SYNPR: variants seen among roughly 807,000 people sequenced by gnomAD.
SYNPR encodes the protein synaptoporin.
Under a neutral mutation model 32.9 loss-of-function variants are expected in SYNPR, and 23 were observed. That is an observed-to-expected ratio of 0.70 (90% CI 0.50 to 0.99). SYNPR has a LOEUF of 0.99. SYNPR is among the 50% of genes least tolerant of loss of function. The probability of loss-of-function intolerance (pLI) is 0.00; values close to 1 mark genes in which losing one functional copy is unlikely to be tolerated. For missense variants in SYNPR, 318 were observed against 349.3 expected, an observed-to-expected ratio of 0.91 and a Z score of 0.71; for synonymous variants, 146 against 135.9, an observed-to-expected ratio of 1.07 and a Z score of -0.52.
intron 4 of SYNPR, among the ~76,000 whole-genome samples, chr3:63,585,760 T>C (rs1703172508): frequency 6.6e-6 from 1 of 152,132 alleles, no homozygotes. Flanking sequence ...CAGAAGATTA[T>C]TACTTTTTAA....
At chr3:63,570,971 AG>A in intron 4 of SYNPR, among the ~76,000 whole-genome samples, 1 of 152,350 alleles carries the variant, frequency 6.6e-6, no homozygotes, top group Non-Finnish European at 1.5e-5. Context: ...AACATATAAA[AG>A]AACCCCCCAA....
intron 2 of SYNPR, among the ~76,000 whole-genome samples, chr3:63,378,297 G>C (rs1033514169): frequency 6.6e-6 from 1 of 151,946 alleles, no homozygotes; most frequent in Admixed American, 6.6e-5. Flanking sequence ...CAGAAAAATA[G>C]AGACAGTAGA....
intron 2 of SYNPR, among the ~76,000 whole-genome samples, chr3:63,297,620 G>T (rs1260825862): frequency 6.6e-6 from 1 of 152,142 alleles, no homozygotes; most frequent in Non-Finnish European, 1.5e-5. Context: ...AGCGCATTGA[G>T]ACATTTATTT....
At chr3:63,526,025 T>C (rs570586871) in intron 3 of SYNPR, among the ~76,000 whole-genome samples, 47 of 152,256 alleles carry the variant, frequency 3.1e-4, no homozygotes, top group African/African-American at 1.0e-3. Flanking sequence ...AGAGAGCACA[T>C]GGCAAGAGAA....
At chr3:63,339,015 C>A (rs2087330483) in intron 2 of SYNPR, among the ~76,000 whole-genome samples, 3 of 152,236 alleles carry the variant, frequency 2.0e-5, no homozygotes, top group Admixed American at 1.3e-4. Context: ...CCTCAGGAAT[C>A]TTTGCCTGCT....
chr3:63,436,559 T>A (rs1033230293), intron 2 of SYNPR, among the ~76,000 whole-genome samples: 1 of 152,198 alleles, frequency 6.6e-6, no homozygotes, highest in South Asian at 2.1e-4. Flanking sequence ...CTAAAGGGAC[T>A]CAGCCCCTCC....
At chr3:63,290,685 G>T (rs1259895311) in intron 2 of SYNPR, among the ~76,000 whole-genome samples, 1 of 152,114 alleles carries the variant, frequency 6.6e-6, no homozygotes, top group East Asian at 1.9e-4. Context: ...GAAGGATATG[G>T]ATATTTAGTA....
the SYNPR span, chr3:63,203,068 G>GTGTGTGTGTATATATATATATATATATA: frequency 4.6e-5 from 5 of 108,584 alleles, no homozygotes; most frequent in African/African-American, 1.8e-4. Flanking sequence ...ATATGTATGT[G>GTGTGTGTGTATATATATATATATATATA]TATATATATA....
In SYNPR at chr3:63,480,925, A is replaced by T; in HGVS notation, c.178A>T (p.Ser60Cys). ...DCVNKTESNL[S>C]IDIAFAYPFR... ...CGTCAACAAGACAGAAAGTAACCTCAGCATCGACATAGCGTTTGCCTACCC... is the reference window on the plus strand; with the variant it reads ...CGTCAACAAGACAGAAAGTAACCTCTGCATCGACATAGCGTTTGCCTACCC... The change falls in exon 3 of 6, where the codon AGC becomes TGC. Residue 60 changes from serine (S) to cysteine (C), a missense_variant. Coordinates refer to ENST00000478300, the MANE Select transcript of SYNPR (RefSeq NM_001130003.2). 6.2e-7 allele frequency: 1 copy of T among 1,613,336 alleles called. No homozygotes were observed. The highest frequency in any genetic ancestry group is 8.5e-7 in the Non-Finnish European group (1 of 1,179,430).
intron 2 of SYNPR, among the ~76,000 whole-genome samples, chr3:63,340,203 C>T (rs144348839): frequency 4.9e-4 from 74 of 152,034 alleles, no homozygotes; most frequent in African/African-American, 1.8e-3. Context: ...GTTTGTTAAC[C>T]ATTCACTCAT....
intron 3 of SYNPR, among the ~76,000 whole-genome samples, chr3:63,492,765 C>G (rs1017863916): frequency 5.3e-5 from 8 of 152,076 alleles, no homozygotes; most frequent in African/African-American, 1.9e-4. Context: ...ACCTCATTAC[C>G]AGGGAGAAGC....
chr3:63,430,361 T>TAC (rs3083163), intron 2 of SYNPR, among the ~76,000 whole-genome samples: 27,114 of 148,152 alleles, frequency 0.18, 2,495 homozygotes, highest in Non-Finnish European at 0.21. Context: ...ACACTGAGAA[T>TAC]ACACACACAC....
intron 2 of SYNPR, among the ~76,000 whole-genome samples, chr3:63,395,538 A>T (rs2088200291): frequency 6.6e-6 from 1 of 152,166 alleles, no homozygotes; most frequent in Non-Finnish European, 1.5e-5. Flanking sequence ...TACTATAATT[A>T]TATATATTTT....
chr3:63,494,405 A>ATATATATACGTATATATATATATACG (rs1559516207), intron 3 of SYNPR, among the ~76,000 whole-genome samples: 7 of 53,232 alleles, frequency 1.3e-4, no homozygotes, highest in African/African-American at 5.0e-4. Context: ...ATATATATAT[A>ATATATATACGTATATATATATATACG]TATATATATA....
At chr3:63,595,720 TATATATATATATA>T (rs1699923582) in intron 4 of SYNPR, among the ~76,000 whole-genome samples, 2 of 9,718 alleles carry the variant, frequency 2.1e-4, no homozygotes, top group Admixed American at 2.2e-3. Flanking sequence ...TCTTATTTTA[TATATATATATATA>T]TATATATATA....
At chr3:63,532,451 T>G (rs1327775235) in intron 3 of SYNPR, among the ~76,000 whole-genome samples, 1 of 152,194 alleles carries the variant, frequency 6.6e-6, no homozygotes, top group Non-Finnish European at 1.5e-5. Context: ...ATCCTTTCTC[T>G]GCTAAAATAA....
chr3:63,287,468 A>G (rs1008601943), intron 2 of SYNPR, among the ~76,000 whole-genome samples: 1 of 151,758 alleles, frequency 6.6e-6, no homozygotes, highest in African/African-American at 2.4e-5. Flanking sequence ...ATGACTTTTC[A>G]TTCTAGCTAC....
intron 2 of SYNPR, among the ~76,000 whole-genome samples, chr3:63,394,087 TC>T (rs1157044972): frequency 1.3e-5 from 2 of 152,094 alleles, no homozygotes; most frequent in Non-Finnish European, 2.9e-5. Context: ...AGCCAATACT[TC>T]CCCCCTACCA....
At chr3:63,407,956 C>T (rs1266513917) in intron 2 of SYNPR, among the ~76,000 whole-genome samples, 1 of 151,806 alleles carries the variant, frequency 6.6e-6, no homozygotes, top group Non-Finnish European at 1.5e-5. Context: ...ACTGGACATA[C>T]TAAGGCCATC....
Sources: allele counts gnomAD v4.1 joint callset (sites outside exome capture counted in the v4.1 genomes callset), GRCh38; gene constraint gnomAD v4.1.1; transcripts MANE v1.5; gene names NCBI Gene and HGNC (gene_info 2026-07-23, HGNC 2026-07-21).